Variants in SLC35F3 observed in about 807,000 individuals in gnomAD.
SLC35F3 encodes solute carrier family 35 member F3.
SLC35F3 carries 25 observed loss-of-function variants against 49.9 expected under a neutral mutation model. The observed-to-expected ratio is 0.50, with a 90% CI of 0.37 to 0.70. The LOEUF is 0.70. SLC35F3 is among the 30% of genes least tolerant of loss of function. The probability of loss-of-function intolerance (pLI) is 0.00; values close to 1 mark genes in which losing one functional copy is unlikely to be tolerated. For synonymous variants in SLC35F3, 275 were observed against 265.4 expected (o/e 1.04, Z -0.35); for missense variants, 525 against 639.8 (o/e 0.82, Z 1.94).
At chr1:234,232,712 C>G (rs927906162) in intron 3 of SLC35F3, among the ~76,000 whole-genome samples, 1 of 151,992 alleles carries the variant, frequency 6.6e-6, no homozygotes, top group African/African-American at 2.4e-5. Flanking sequence ...ACACATAACC[C>G]CATAAGATTG....
intron 2 of SLC35F3, among the ~76,000 whole-genome samples, chr1:233,947,235 C>A (rs1662526836): frequency 6.6e-6 from 1 of 152,056 alleles, no homozygotes; most frequent in Non-Finnish European, 1.5e-5. Flanking sequence ...TGAGATTCAC[C>A]AACTTCTGAT....
intron 2 of SLC35F3, among the ~76,000 whole-genome samples, chr1:234,152,201 A>G (rs915370887): frequency 3.4e-5 from 5 of 147,258 alleles, no homozygotes; most frequent in Non-Finnish European, 5.9e-5. Flanking sequence ...GCTAAAAGAA[A>G]ATGGAGTAAC....
chr1:234,058,537 T>C (rs1664491556), intron 2 of SLC35F3, among the ~76,000 whole-genome samples: 1 of 151,894 alleles, frequency 6.6e-6, no homozygotes, highest in Non-Finnish European at 1.5e-5. Context: ...AGAGACAGGG[T>C]CTCACTCTGT....
At chr1:234,183,614 G>A (rs1666592645) in intron 2 of SLC35F3, among the ~76,000 whole-genome samples, 1 of 142,728 alleles carries the variant, frequency 7.0e-6, no homozygotes, top group Non-Finnish European at 1.5e-5. Context: ...CTGTGTCGCT[G>A]GCCTGGTCGA....
chr1:233,954,693 C>A (rs376333329), intron 2 of SLC35F3, among the ~76,000 whole-genome samples: 2 of 152,168 alleles, frequency 1.3e-5, no homozygotes, highest in Non-Finnish European at 2.9e-5. Context: ...CCTTTTCCCC[C>A]CTGCTGAGAT....
At chr1:234,187,121 A>G (rs1476844880) in intron 2 of SLC35F3, among the ~76,000 whole-genome samples, 8 of 152,088 alleles carry the variant, frequency 5.3e-5, no homozygotes, top group African/African-American at 1.7e-4. Context: ...GGCTCTTGTC[A>G]ATGTTGATGC....
At chr1:234,195,835 G>A (rs7526239) in intron 2 of SLC35F3, among the ~76,000 whole-genome samples, 7,653 of 152,142 alleles carry the variant, frequency 0.05, 681 homozygotes, top group African/African-American at 0.18. Context: ...TAGTGAATAA[G>A]TCTCACAAGA....
At chr1:233,928,578 G>A (rs1308162124) in intron 2 of SLC35F3, among the ~76,000 whole-genome samples, 1 of 152,124 alleles carries the variant, frequency 6.6e-6, no homozygotes, top group African/African-American at 2.4e-5. Context: ...TTCTAGTTCA[G>A]ATAGTTGTTG....
At position 233,904,926 on chromosome 1, in the gene SLC35F3, C is replaced by G. The variant is rs1362191009; in HGVS notation, c.-152C>G. ...GGCGCTCGGGTACAGACCGCGCGGG[C>G]GCGCACAAAGCGGCCCGGGGCGGCC... On this transcript the variant is annotated 5_prime_UTR_variant, in exon 1 of 8. Transcript: ENST00000366618. 1.3e-6 allele frequency: 1 copy of G among 759,460 alleles called. No individual in the cohort carries two copies. Among genetic ancestry groups the G allele is most frequent in the African/African-American group, 1.9e-5 (1 of 52,882 alleles). 47.0% of individuals were successfully genotyped at this position (759,460 alleles called of 1,614,324 possible).
intron 2 of SLC35F3, among the ~76,000 whole-genome samples, chr1:234,206,881 T>C (rs1666978905): frequency 6.6e-6 from 1 of 152,062 alleles, no homozygotes; most frequent in Admixed American, 6.5e-5. Flanking sequence ...CAGCCTGTGC[T>C]CAGGAATAAC....
intron 2 of SLC35F3, among the ~76,000 whole-genome samples, chr1:233,978,145 A>C (rs1439362880): frequency 2.0e-5 from 3 of 152,038 alleles, no homozygotes; most frequent in Admixed American, 2.0e-4. Flanking sequence ...TTGCCACTGG[A>C]GGAGGCAAGG....
At chr1:234,206,099 G>A (rs1666966253) in intron 2 of SLC35F3, among the ~76,000 whole-genome samples, 1 of 152,138 alleles carries the variant, frequency 6.6e-6, no homozygotes, top group Non-Finnish European at 1.5e-5. Flanking sequence ...GAGGCAGGGA[G>A]ATGTGACAAG....
intron 2 of SLC35F3, among the ~76,000 whole-genome samples, chr1:234,152,990 T>C (rs1452028026): frequency 1.6e-4 from 24 of 152,200 alleles, no homozygotes; most frequent in Admixed American, 1.6e-3. Context: ...GATGATGAAC[T>C]TTTTTTCATA....
At chr1:233,927,927 A>G (rs1022083043) in intron 2 of SLC35F3, among the ~76,000 whole-genome samples, 2 of 152,224 alleles carry the variant, frequency 1.3e-5, no homozygotes, top group African/African-American at 4.8e-5. Flanking sequence ...ATTAATATTT[A>G]TAAATTCTGA....
At chr1:234,160,030 C>T (rs145326440) in intron 2 of SLC35F3, among the ~76,000 whole-genome samples, 196 of 152,268 alleles carry the variant, frequency 1.3e-3, no homozygotes, top group African/African-American at 4.4e-3. Context: ...TCAAACCTGC[C>T]TCCTTCATTT....
At chr1:234,098,776 G>A (rs1255147919) in intron 2 of SLC35F3, among the ~76,000 whole-genome samples, 1 of 151,204 alleles carries the variant, frequency 6.6e-6, no homozygotes, top group Non-Finnish European at 1.5e-5. Context: ...TGGTGGTGGT[G>A]GTGGCAGTTC....
intron 2 of SLC35F3, among the ~76,000 whole-genome samples, chr1:234,101,167 G>A (rs1196284044): frequency 1.3e-5 from 2 of 152,012 alleles, no homozygotes; most frequent in African/African-American, 4.8e-5. Context: ...ACAAAAGCAG[G>A]TTGGGTGCCC....
chr1:234,238,939 C>G (rs1650300535), intron 3 of SLC35F3, among the ~76,000 whole-genome samples: 1 of 152,172 alleles, frequency 6.6e-6, no homozygotes, highest in Non-Finnish European at 1.5e-5. Context: ...TCAGCTATAG[C>G]AATGTTATTT....
In SLC35F3 at chr1:233,975,566, T is replaced by C. The variant is rs183400796; in HGVS notation, c.283+69808T>C. ...ATGGCAGCACCAGAGGGGCCGTCCT[T>C]GCCGACTGTTAGTGATAGACATGAT... On this transcript the variant is annotated intron_variant, in intron 2 of 7. Coordinates refer to ENST00000366618, the MANE Select transcript of SLC35F3 (RefSeq NM_173508.4). 1.5e-3 allele frequency among the ~76,000 whole-genome samples: 231 copies of C among 152,344 alleles called. 1 individual carries two copies. The highest frequency in any genetic ancestry group is 0.014 in the Admixed American group (213 of 15,306).
Sources: gnomAD v4.1 joint callset for allele counts (sites outside exome capture counted in the v4.1 genomes callset) on GRCh38, gnomAD v4.1.1 for gene constraint, MANE v1.5 for transcripts, NCBI Gene and HGNC (gene_info 2026-07-23, HGNC 2026-07-21) for gene names.